The following TXNRD1 variants were observed in gnomAD, a reference collection of about 807,000 sequenced individuals.
The protein encoded by TXNRD1 is thioredoxin reductase 1, cytoplasmic.
Under a neutral mutation model 80.3 loss-of-function variants are expected in TXNRD1, and 57 were observed. That is an observed-to-expected ratio of 0.71 (90% CI 0.57 to 0.89). The LOEUF (loss-of-function observed/expected upper bound fraction) is 0.89, where lower values mean the gene tolerates loss of function less well. TXNRD1 is among the 40% of genes least tolerant of loss of function. The pLI is 0.00. For missense variants in TXNRD1, 730 were observed against 803.0 expected, an observed-to-expected ratio of 0.91 and a Z score of 1.10; for synonymous variants, 291 against 285.2, an observed-to-expected ratio of 1.02 and a Z score of -0.20.
At chr12:104,293,803 G>A (rs539110883) in intron 4 of TXNRD1, among the ~76,000 whole-genome samples, 3 of 152,156 alleles carry the variant, frequency 2.0e-5, no homozygotes, top group Non-Finnish European at 4.4e-5. Context: ...CGCGGAGACC[G>A]GTAGTGGCCC....
intron 1 of TXNRD1, among the ~76,000 whole-genome samples, chr12:104,247,055 GTTTT>G (rs869212403): frequency 6.8e-6 from 1 of 148,142 alleles, no homozygotes; most frequent in Non-Finnish European, 1.5e-5. Flanking sequence ...TATCATTACA[GTTTT>G]TTGTTTGTTT....
intron 3 of TXNRD1, among the ~76,000 whole-genome samples, chr12:104,267,192 T>C (rs1218195010): frequency 4.7e-5 from 7 of 148,574 alleles, no homozygotes; most frequent in African/African-American, 1.5e-4. Flanking sequence ...AATATAATAA[T>C]TAATAATAAT....
At chr12:104,238,171 C>T (rs1371201720) in intron 1 of TXNRD1, among the ~76,000 whole-genome samples, 1 of 152,146 alleles carries the variant, frequency 6.6e-6, no homozygotes, top group Non-Finnish European at 1.5e-5. Flanking sequence ...TTTTAACTAA[C>T]CTGCAAATTT....
intron 2 of TXNRD1, among the ~76,000 whole-genome samples, chr12:104,253,559 C>T (rs1474632244): frequency 6.6e-6 from 1 of 152,130 alleles, no homozygotes; most frequent in Non-Finnish European, 1.5e-5. Context: ...AATTCTTGGC[C>T]TCTAGGGGCT....
At chr12:104,245,648 CAA>C (rs149083903) in intron 1 of TXNRD1, among the ~76,000 whole-genome samples, 2,254 of 108,780 alleles carry the variant, frequency 0.021, 78 homozygotes, top group South Asian at 0.045. Context: ...GACCCTGTCT[CAA>C]AAAAAAAAAA....
intron 1 of TXNRD1, among the ~76,000 whole-genome samples, chr12:104,245,627 T>C (rs1045236124): frequency 8.6e-6 from 1 of 116,592 alleles, no homozygotes; most frequent in African/African-American, 3.4e-5. Context: ...GCAGCCTGGG[T>C]GTTGGAGCAA....
intron 1 of TXNRD1, among the ~76,000 whole-genome samples, chr12:104,233,714 G>A (rs901158135): frequency 6.6e-6 from 1 of 152,028 alleles, no homozygotes; most frequent in Non-Finnish European, 1.5e-5. Flanking sequence ...TAGAGATGGG[G>A]TTTCACCATT....
At chr12:104,324,573 A>G (rs1407371838) in intron 10 of TXNRD1, among the ~76,000 whole-genome samples, 2 of 151,364 alleles carry the variant, frequency 1.3e-5, no homozygotes, top group East Asian at 2.0e-4. Context: ...GCTGGTCTCG[A>G]TCTCCTGACC....
At chr12:104,346,793 G>A (rs1385825446) in intron 16 of TXNRD1, among the ~76,000 whole-genome samples, 1 of 151,928 alleles carries the variant, frequency 6.6e-6, no homozygotes, top group East Asian at 1.9e-4. Context: ...TCTATAATGA[G>A]TATAAAAAGG....
At chr12:104,330,573 T>G (rs1295339661) in intron 13 of TXNRD1, among the ~76,000 whole-genome samples, 1 of 136,920 alleles carries the variant, frequency 7.3e-6, no homozygotes, top group Non-Finnish European at 1.6e-5. Context: ...TAGAACCATT[T>G]CCTAATTGGG....
chr12:104,278,390 C>CG (rs1435335412), intron 3 of TXNRD1, among the ~76,000 whole-genome samples: 6 of 148,478 alleles, frequency 4.0e-5, no homozygotes, highest in South Asian at 2.2e-4. Flanking sequence ...TTAGTAGAGA[C>CG]GGGTTTCACC....
At chr12:104,255,898 C>T (rs534533701) in intron 2 of TXNRD1, among the ~76,000 whole-genome samples, 3 of 152,136 alleles carry the variant, frequency 2.0e-5, no homozygotes, top group Non-Finnish European at 2.9e-5. Flanking sequence ...CTGGTTTTAC[C>T]TTGTTGATTT....
At chr12:104,232,508 A>C (rs1416078034) in intron 1 of TXNRD1, among the ~76,000 whole-genome samples, 1 of 152,032 alleles carries the variant, frequency 6.6e-6, no homozygotes, top group Non-Finnish European at 1.5e-5. Context: ...GATTGCAGTG[A>C]GCCGATGGAG....
intron 2 of TXNRD1, 131 bp downstream of exon 2, chr12:104,251,809 T>A: frequency 2.0e-6 from 2 of 980,282 alleles, no homozygotes; most frequent in Non-Finnish European, 3.0e-6. Context: ...CTCACACCTG[T>A]AATCCCAGCA....
In TXNRD1 at chr12:104,339,280, C is replaced by T. The variant is rs1455650594; in HGVS notation, c.1881+7C>T. 1 of 1,613,388 alleles carries T rather than the reference C, an allele frequency of 6.2e-7. No homozygotes were observed. The highest frequency in any genetic ancestry group is 8.5e-7 in the Non-Finnish European group (1 of 1,179,676). ...CCACCCTGTCTGTGCAGAGGTGGGTCATCTACACTTATACAGTTTAAAATG... is the reference window on the plus strand; with the variant it reads ...CCACCCTGTCTGTGCAGAGGTGGGTTATCTACACTTATACAGTTTAAAATG... On this transcript the variant is annotated splice_region_variant and intron_variant, in intron 16 of 16. Transcript: ENST00000525566.
intron 4 of TXNRD1, among the ~76,000 whole-genome samples, chr12:104,310,892 A>T (rs1747298757): frequency 6.6e-6 from 1 of 152,220 alleles, no homozygotes; most frequent in African/African-American, 2.4e-5. Context: ...TGTCTTAAAT[A>T]AATATTTGGC....
At chr12:104,313,174 G>A (rs903830765) in intron 5 of TXNRD1, 71 bp from the exon 6 acceptor site, 49 of 1,277,502 alleles carry the variant, frequency 3.8e-5, no homozygotes, top group Middle Eastern at 1.8e-4. Context: ...AAAAATCATG[G>A]ATTTTTAACA....
At chr12:104,344,314 T>C (rs936306658) in intron 16 of TXNRD1, among the ~76,000 whole-genome samples, 1 of 151,492 alleles carries the variant, frequency 6.6e-6, no homozygotes, top group African/African-American at 2.4e-5. Flanking sequence ...GTATTTTTAA[T>C]GGGGGTTGGA....
At chr12:104,300,338 G>A (rs1043669714) in intron 4 of TXNRD1, among the ~76,000 whole-genome samples, 1 of 152,170 alleles carries the variant, frequency 6.6e-6, no homozygotes, top group East Asian at 1.9e-4. Flanking sequence ...GGGAAAGAGG[G>A]GAGCTAAATT....
Sources: gnomAD v4.1 joint callset for allele counts (sites outside exome capture counted in the v4.1 genomes callset) on GRCh38, gnomAD v4.1.1 for gene constraint, MANE v1.5 for transcripts, NCBI Gene and HGNC (gene_info 2026-07-23, HGNC 2026-07-21) for gene names.